The following RSRC1 variants were observed in gnomAD, a reference collection of about 807,000 sequenced individuals.
RSRC1 encodes the protein serine/Arginine-related protein 53.
RSRC1 carries 39 observed loss-of-function variants against 49.1 expected under a neutral mutation model. That is an observed-to-expected ratio of 0.79 (90% CI 0.61 to 1.04). RSRC1 has a LOEUF of 1.04. Ranked by LOEUF, RSRC1 falls within the 50% of genes least tolerant of loss-of-function variation. The pLI, the probability that RSRC1 is intolerant of heterozygous loss-of-function variation, is 0.00. For synonymous variants in RSRC1, 143 were observed against 130.8 expected (o/e 1.09, Z -0.63); for missense variants, 388 against 402.4 (o/e 0.96, Z 0.31).
chr3:158,273,323 C>G (rs1018890832), intron 4 of RSRC1, among the ~76,000 whole-genome samples: 1 of 152,070 alleles, frequency 6.6e-6, no homozygotes, highest in Non-Finnish European at 1.5e-5. Context: ...TACACATTTT[C>G]CATTCATAAA....
At chr3:158,316,171 C>CAA (rs113383530) in intron 5 of RSRC1, among the ~76,000 whole-genome samples, 2 of 106,216 alleles carry the variant, frequency 1.9e-5, no homozygotes, top group African/African-American at 3.4e-5. Context: ...GACTCGGTCT[C>CAA]AAAAAAAAAA....
intron 5 of RSRC1, among the ~76,000 whole-genome samples, chr3:158,327,857 G>A (rs933003560): frequency 1.3e-5 from 2 of 152,128 alleles, no homozygotes; most frequent in African/African-American, 4.8e-5. Flanking sequence ...TTATTATTGT[G>A]TGGGAGTCTA....
chr3:158,209,124 A>G (rs1455991637), intron 4 of RSRC1, among the ~76,000 whole-genome samples: 2 of 152,134 alleles, frequency 1.3e-5, no homozygotes, highest in Non-Finnish European at 2.9e-5. Context: ...GGTTTCAGGC[A>G]GTTGTTGCCT....
chr3:158,353,995 C>CTTCTTTTTTTTT (rs1731015929), intron 5 of RSRC1, among the ~76,000 whole-genome samples: 1 of 96,302 alleles, frequency 1.0e-5, no homozygotes, highest in Non-Finnish European at 1.9e-5. Flanking sequence ...GTTTCTTTTT[C>CTTCTTTTTTTTT]TTTTTTTTTT....
chr3:158,376,925 AG>A (rs1484977579), intron 6 of RSRC1, among the ~76,000 whole-genome samples: 3 of 152,164 alleles, frequency 2.0e-5, no homozygotes, highest in African/African-American at 7.2e-5. Context: ...GTGCATTTGA[AG>A]GGAATGTATA....
At chr3:158,525,593 A>G (rs942193454) in intron 7 of RSRC1, among the ~76,000 whole-genome samples, 6 of 152,000 alleles carry the variant, frequency 3.9e-5, no homozygotes, top group African/African-American at 1.4e-4. Context: ...TGTTCACACA[A>G]AGAGTTGTAC....
intron 4 of RSRC1, among the ~76,000 whole-genome samples, chr3:158,288,900 TG>T (rs535005452): frequency 9.3e-4 from 126 of 134,802 alleles, no homozygotes; most frequent in African/African-American, 3.4e-3. Context: ...GATTCACAGA[TG>T]GGGAGGACTG....
chr3:158,260,870 C>T (rs1724854696), intron 4 of RSRC1, among the ~76,000 whole-genome samples: 1 of 152,188 alleles, frequency 6.6e-6, no homozygotes, highest in East Asian at 1.9e-4. Context: ...TAAAGTCCCA[C>T]AATCACTGTA....
intron 7 of RSRC1, among the ~76,000 whole-genome samples, chr3:158,526,268 T>G (rs1006823600): frequency 5.3e-5 from 8 of 151,992 alleles, no homozygotes; most frequent in Admixed American, 5.3e-4. Flanking sequence ...TCATAACTAT[T>G]AATCATGTAA....
At chr3:158,383,333 G>A (rs1483713969) in intron 6 of RSRC1, among the ~76,000 whole-genome samples, 1 of 152,122 alleles carries the variant, frequency 6.6e-6, no homozygotes, top group African/African-American at 2.4e-5. Context: ...GATATGAAGG[G>A]GTGACTGTCC....
At chr3:158,426,150 A>C (rs1735425526) in intron 6 of RSRC1, among the ~76,000 whole-genome samples, 1 of 151,766 alleles carries the variant, frequency 6.6e-6, no homozygotes, top group African/African-American at 2.4e-5. Flanking sequence ...AGGAGAATAG[A>C]TTTGTGATCT....
Position 158,418,677 on chromosome 3 carries a change from C to A in RSRC1, c.584-42258C>A, listed in dbSNP as rs371984869. Among the ~76,000 whole-genome samples the A allele has an allele frequency of 3.9e-5, 6 of 152,050 alleles. No homozygotes were observed. In the South Asian group the frequency reaches 1.2e-3, roughly 32 times the overall value. On this transcript the variant is annotated intron_variant, in intron 6 of 9. Transcript: ENST00000611884. ...GAATTTTTCTCAAGAATCATTGCTG[C>A]ACCTGCCTCAGGACAAGAATACTTA...
intron 8 of RSRC1, among the ~76,000 whole-genome samples, chr3:158,537,866 T>C (rs1305594750): frequency 1.3e-5 from 2 of 151,770 alleles, no homozygotes; most frequent in Non-Finnish European, 3.0e-5. Context: ...CTGTATAATA[T>C]CCTGTTGATG....
intron 4 of RSRC1, among the ~76,000 whole-genome samples, chr3:158,251,498 A>G (rs1724206692): frequency 6.6e-6 from 1 of 152,078 alleles, no homozygotes; most frequent in Admixed American, 6.6e-5. Flanking sequence ...TTCTTTCACC[A>G]ATATTTTATA....
chr3:158,460,633 T>C (rs1737560452), intron 6 of RSRC1, among the ~76,000 whole-genome samples: 1 of 151,898 alleles, frequency 6.6e-6, no homozygotes, highest in Non-Finnish European at 1.5e-5. Flanking sequence ...CAGATGACTT[T>C]TAATGACAAA....
intron 3 of RSRC1, among the ~76,000 whole-genome samples, chr3:158,146,959 A>G (rs1717168901): frequency 2.0e-5 from 3 of 152,066 alleles, no homozygotes; most frequent in Admixed American, 2.0e-4. Context: ...AAGAGAAGAA[A>G]TACAATATAT....
At chr3:158,471,647 A>T (rs181017944) in intron 7 of RSRC1, among the ~76,000 whole-genome samples, 112 of 152,292 alleles carry the variant, frequency 7.4e-4, no homozygotes, top group Admixed American at 1.3e-3. Context: ...GATGCCTACC[A>T]TGTATTTCTG....
At chr3:158,462,250 A>C (rs1226344768) in intron 7 of RSRC1, among the ~76,000 whole-genome samples, 12 of 151,952 alleles carry the variant, frequency 7.9e-5, no homozygotes, top group Non-Finnish European at 1.6e-4. Flanking sequence ...AATGAAAGCA[A>C]GCTATCTGAT....
chr3:158,216,028 C>T (rs1294812460), intron 4 of RSRC1, among the ~76,000 whole-genome samples: 1 of 151,236 alleles, frequency 6.6e-6, no homozygotes, highest in African/African-American at 2.4e-5. Context: ...TGTAAATTCT[C>T]AGGTTTTAAA....
Sources: allele counts gnomAD v4.1 joint callset (sites outside exome capture counted in the v4.1 genomes callset), GRCh38; gene constraint gnomAD v4.1.1; transcripts MANE v1.5; gene names NCBI Gene and HGNC (gene_info 2026-07-23, HGNC 2026-07-21).